The following TNFAIP8 variants were observed in gnomAD, a reference collection of about 807,000 sequenced individuals.
The protein encoded by TNFAIP8 is TNF alpha induced protein 8, also known as tumor necrosis factor alpha-induced protein 8.
Under a neutral mutation model 13.3 loss-of-function variants are expected in TNFAIP8, and 7 were observed. The ratio of observed to expected loss-of-function variants is 0.52; its 90% confidence interval spans 0.30 to 0.99. TNFAIP8 has a LOEUF of 0.99. Ranked by LOEUF, TNFAIP8 falls within the 50% of genes least tolerant of loss-of-function variation. The pLI is 0.07. For synonymous variants in TNFAIP8, 94 were observed against 87.6 expected, an observed-to-expected ratio of 1.07 and a Z score of -0.41; for missense variants, 258 against 236.9, an observed-to-expected ratio of 1.09 and a Z score of -0.58.
rs1043570894 is a variant in TNFAIP8 at position 119,392,724 on chromosome 5, A to T, written c.32-92A>T. ...ACCACAAATGGTGGGAAAATGAGGA[A>T]AAAAAGTGCTCCCAAATACCTGTTT... is the stretch of plus-strand genomic sequence containing the variant. On this transcript the variant is annotated intron_variant, in intron 1 of 1. Transcript: ENST00000504771. 45 of 1,376,750 alleles carry T rather than the reference A, an allele frequency of 3.3e-5. No homozygotes were observed. The African/African-American group carries it at 4.5e-4, about 14-fold the overall frequency. 85.3% of individuals were successfully genotyped at this position (1,376,750 alleles called of 1,614,324 possible). A position where few individuals can be genotyped will look rare whatever the true frequency, so the allele number is the denominator to read the frequency against.
At chr5:119,270,215 G>A (rs562794838) in intron 1 of TNFAIP8, among the ~76,000 whole-genome samples, 2 of 152,334 alleles carry the variant, frequency 1.3e-5, no homozygotes, top group African/African-American at 2.4e-5. Flanking sequence ...GCTGCTTATC[G>A]CAGCCGATAT....
intron 1 of TNFAIP8, among the ~76,000 whole-genome samples, chr5:119,297,920 G>A (rs1400043443): frequency 1.3e-5 from 2 of 152,226 alleles, no homozygotes; most frequent in Admixed American, 1.3e-4. Context: ...CAGAGACTAG[G>A]ATTGCAACCC....
Position 119,395,262 on chromosome 5 carries a change from A to T in TNFAIP8, c.*1881A>T, listed in dbSNP as rs1319400317. ...TCATAACTTGCTAAGTGGCTTATAAATGGAATTCAGCAGCCTTCCTTGACC... is the reference window on the plus strand; with the variant it reads ...TCATAACTTGCTAAGTGGCTTATAATTGGAATTCAGCAGCCTTCCTTGACC... On this transcript the variant is annotated 3_prime_UTR_variant, in exon 2 of 2. Transcript: ENST00000504771. 1 of 152,280 alleles carries T rather than the reference A, an allele frequency of 6.6e-6. No homozygotes were observed. Among genetic ancestry groups the T allele is most frequent in the Non-Finnish European group, 1.5e-5 (1 of 68,090 alleles). 9.4% of individuals were successfully genotyped at this position (152,280 alleles called of 1,614,324 possible).
chr5:119,386,279 A>G (rs1752668289), intron 1 of TNFAIP8, among the ~76,000 whole-genome samples: 1 of 152,220 alleles, frequency 6.6e-6, no homozygotes, highest in Non-Finnish European at 1.5e-5. Context: ...GGGAACCAGT[A>G]AGCTCTTATA....
chr5:119,274,632 TGCTA>T (rs1748384790), intron 1 of TNFAIP8, among the ~76,000 whole-genome samples: 1 of 152,228 alleles, frequency 6.6e-6, no homozygotes, highest in Admixed American at 6.5e-5. Context: ...AGGAACAGGC[TGCTA>T]TTACTTTTCA....
chr5:119,298,693 G>C (rs1749259695), intron 1 of TNFAIP8, among the ~76,000 whole-genome samples: 5 of 152,128 alleles, frequency 3.3e-5, no homozygotes, highest in Admixed American at 3.3e-4. Flanking sequence ...ATACTATCCT[G>C]CAGAGTGTTT....
intron 1 of TNFAIP8, among the ~76,000 whole-genome samples, chr5:119,361,344 T>C (rs1751628380): frequency 6.6e-6 from 1 of 152,206 alleles, no homozygotes; most frequent in East Asian, 1.9e-4. Flanking sequence ...CCTGAGTGAC[T>C]AACTGCTGAG....
At chr5:119,354,416 C>T (rs1417833026), upstream of TNFAIP8, 1 of 152,144 alleles carries the variant, frequency 6.6e-6, no homozygotes, top group African/African-American at 2.4e-5. Flanking sequence ...AGGTTAGAAT[C>T]TCTCAGCAGT....
chr5:119,373,136 C>T (rs1752150558), intron 1 of TNFAIP8, among the ~76,000 whole-genome samples: 1 of 152,090 alleles, frequency 6.6e-6, no homozygotes, highest in African/African-American at 2.4e-5. Flanking sequence ...CCACCCCAGA[C>T]ACAAAGCTTA....
intron 1 of TNFAIP8, among the ~76,000 whole-genome samples, chr5:119,371,407 A>C (rs1396604887): frequency 6.6e-6 from 1 of 152,200 alleles, no homozygotes; most frequent in East Asian, 1.9e-4. Flanking sequence ...AAAAACATTA[A>C]AGATGAATGC....
Position 119,377,572 on chromosome 5 carries a change from C to T in TNFAIP8, c.32-15244C>T, listed in dbSNP as rs141885043. 2.0e-3 allele frequency among the ~76,000 whole-genome samples: 304 copies of T among 152,068 alleles called. 1 individual carries two copies. Among genetic ancestry groups the T allele is most frequent in the African/African-American group, 6.9e-3 (285 of 41,458 alleles). On this transcript the variant is annotated intron_variant, in intron 1 of 1. Transcript: ENST00000504771. Reference sequence around the variant, plus strand: ...ATTGTAAATTTGTCAAATTTACCACCGCTCTGTGACTTAGTTGACACATTC... The same window carrying T: ...ATTGTAAATTTGTCAAATTTACCACTGCTCTGTGACTTAGTTGACACATTC...
chr5:119,356,001 T>A, upstream of TNFAIP8: 1 of 1,529,814 alleles, frequency 6.5e-7, no homozygotes, highest in Non-Finnish European at 8.8e-7. Context: ...TTATTTTCCG[T>A]CGTGTGCGGA....
At chr5:119,331,993 T>G (rs116550005) in intron 1 of TNFAIP8, among the ~76,000 whole-genome samples, 159 of 152,296 alleles carry the variant, frequency 1.0e-3, no homozygotes, top group African/African-American at 3.7e-3. Context: ...TAGTCCCTGA[T>G]GTTTTCATGG....
chr5:119,371,745 G>A (rs1017450097), intron 1 of TNFAIP8, among the ~76,000 whole-genome samples: 1 of 152,294 alleles, frequency 6.6e-6, no homozygotes, highest in African/African-American at 2.4e-5. Flanking sequence ...CTAGAAATCA[G>A]CGAGGCGTGG....
At chr5:119,316,593 A>AGT (rs1749902954) in intron 1 of TNFAIP8, among the ~76,000 whole-genome samples, 1 of 152,148 alleles carries the variant, frequency 6.6e-6, no homozygotes, top group Admixed American at 6.5e-5. Flanking sequence ...GGTATTGATA[A>AGT]ACTCTAAGGC....
rs938420505 is a variant in TNFAIP8, at chr5:119,393,729, A to G, written c.*348A>G. On this transcript the variant is annotated 3_prime_UTR_variant, in exon 2 of 2. Coordinates refer to ENST00000504771, the MANE Select transcript of TNFAIP8 (RefSeq NM_014350.4). Reference sequence around the variant, plus strand: ...TGGTGGCACATTGGATATTTCTAACATGTACAAAGCTATGTATTTTGATTT... The same window carrying G: ...TGGTGGCACATTGGATATTTCTAACGTGTACAAAGCTATGTATTTTGATTT... 1.7e-5 allele frequency: 4 copies of G among 230,816 alleles called. No homozygotes were observed. The highest frequency in any genetic ancestry group is 9.1e-5 in the African/African-American group (4 of 44,072). 14.3% of individuals were successfully genotyped at this position (230,816 alleles called of 1,614,324 possible). A position where few individuals can be genotyped will look rare whatever the true frequency, so the allele number is the denominator to read the frequency against.
rs191731043 is a variant in TNFAIP8, at chr5:119,336,119, G to A, written c.2-56697G>A. Among the ~76,000 whole-genome samples the A allele has an allele frequency of 3.3e-5, 5 of 152,294 alleles. No individual in the cohort carries two copies. The East Asian group carries it at 9.7e-4, about 29-fold the overall frequency. On this transcript the variant is annotated intron_variant, in intron 1 of 1. Transcript: ENST00000274456. ...GGGGGAGAGATGAGTCAGAGAGGTG[G>A]TGAGGGGCTAGATGGTGGGACCTTG... is the stretch of plus-strand genomic sequence containing the variant.
chr5:119,334,456 G>A (rs1254334769), intron 1 of TNFAIP8, among the ~76,000 whole-genome samples: 5 of 151,846 alleles, frequency 3.3e-5, no homozygotes, highest in African/African-American at 7.3e-5. Flanking sequence ...GACATAGGTG[G>A]GTGTTGGTAT....
chr5:119,313,945 T>G (rs1387817842), intron 1 of TNFAIP8, among the ~76,000 whole-genome samples: 1 of 152,226 alleles, frequency 6.6e-6, no homozygotes, highest in Non-Finnish European at 1.5e-5. Flanking sequence ...GGTTTTGAGG[T>G]TAAAGGGACA....
Sources: gnomAD v4.1 joint callset for allele counts (sites outside exome capture counted in the v4.1 genomes callset) on GRCh38, gnomAD v4.1.1 for gene constraint, MANE v1.5 for transcripts, NCBI Gene and HGNC (gene_info 2026-07-23, HGNC 2026-07-21) for gene names.